The following HMGCLL1 variants were observed in gnomAD, a reference collection of about 807,000 sequenced individuals.
The protein encoded by HMGCLL1 is 3-hydroxy-3-methylglutaryl-CoA lyase like 1, also known as 3-hydroxymethyl-3-methylglutaryl-CoA lyase, cytoplasmic.
HMGCLL1 carries 36 observed loss-of-function variants against 39.1 expected under a neutral mutation model. That is an observed-to-expected ratio of 0.92 (90% CI 0.71 to 1.22). The LOEUF (loss-of-function observed/expected upper bound fraction) is 1.22, where lower values mean the gene tolerates loss of function less well. Ranked by LOEUF, HMGCLL1 falls within the 50% of genes most tolerant of loss-of-function variation. HMGCLL1 has a pLI of 0.00. For missense variants in HMGCLL1, 451 were observed against 416.5 expected, an observed-to-expected ratio of 1.08 and a Z score of -0.72; for synonymous variants, 149 against 144.0, an observed-to-expected ratio of 1.03 and a Z score of -0.25.
intron 5 of HMGCLL1, among the ~76,000 whole-genome samples, chr6:55,499,882 T>A (rs12214248): frequency 0.68 from 103,702 of 151,534 alleles, 35,483 homozygotes; most frequent in Non-Finnish European, 0.7. Flanking sequence ...GGCTTAGAAT[T>A]AAGATATTCT....
At chr6:55,503,745 C>A (rs980082896) in intron 5 of HMGCLL1, among the ~76,000 whole-genome samples, 7 of 151,558 alleles carry the variant, frequency 4.6e-5, no homozygotes, top group African/African-American at 1.2e-4. Context: ...CCTGCATTTG[C>A]CATTTAAAAA....
the HMGCLL1 span, among the ~76,000 whole-genome samples, chr6:55,641,175 A>G: frequency 7.9e-5 from 12 of 151,978 alleles, no homozygotes; most frequent in Non-Finnish European, 1.5e-4. Flanking sequence ...CTATGTATTT[A>G]TAATTGTATA....
At chr6:55,463,224 G>T (rs1764657895) in intron 7 of HMGCLL1, among the ~76,000 whole-genome samples, 1 of 151,684 alleles carries the variant, frequency 6.6e-6, no homozygotes, top group African/African-American at 2.4e-5. Flanking sequence ...TAGAGACGGG[G>T]TTTCACTATG....
chr6:55,528,008 G>A (rs960696619), intron 3 of HMGCLL1, among the ~76,000 whole-genome samples: 1 of 151,966 alleles, frequency 6.6e-6, no homozygotes, highest in African/African-American at 2.4e-5. Flanking sequence ...TTAAACTCAT[G>A]GACCTATAAG....
chr6:55,513,127 A>G (rs1561928090), intron 5 of HMGCLL1: 1 of 151,676 alleles, frequency 6.6e-6, no homozygotes, highest in Non-Finnish European at 1.5e-5. Context: ...GCTTTCTACT[A>G]CTCTGTCCTG....
chr6:55,610,501 A>G, the HMGCLL1 span, among the ~76,000 whole-genome samples: 1 of 152,086 alleles, frequency 6.6e-6, no homozygotes, highest in South Asian at 2.1e-4. Context: ...AATGAAAAGG[A>G]ATGAACAAAG....
At chr6:55,441,966 T>C (rs1490098681) in intron 7 of HMGCLL1, among the ~76,000 whole-genome samples, 2 of 152,086 alleles carry the variant, frequency 1.3e-5, no homozygotes, top group Non-Finnish European at 2.9e-5. Context: ...GCTCGTCATG[T>C]ATTTTGTACA....
In HMGCLL1 at chr6:55,514,117, A is replaced by G. The variant is rs765998435; in HGVS notation, c.473T>C (p.Ile158Thr). The change falls in exon 5 of 9, where the codon ATT (isoleucine) becomes ACT (threonine). Residue 158 changes from isoleucine (I) to threonine (T), a missense_variant. Physicochemically the swap from Ile to Thr is moderately conservative, Grantham distance 89. Coordinates refer to ENST00000274901, the MANE Select transcript of HMGCLL1 (RefSeq NM_001042406.2). ...SFSKKNINCS[I>T]EESMGKFEEV... is the part of the protein sequence containing the mutation. ...CTCAAATTTTCCCATACTTTCTTCA[A>G]TGGAACAGTTAATATTCTTCTTGCT... 1.7e-5 allele frequency: 27 copies of G among 1,612,900 alleles called. No homozygotes were observed. Among genetic ancestry groups the G allele is most frequent in the African/African-American group, 2.7e-5 (2 of 74,892 alleles).
At chr6:55,495,667 G>C (rs915443345) in intron 6 of HMGCLL1, 60 bp from the exon 7 acceptor site, 18 of 1,257,336 alleles carry the variant, frequency 1.4e-5, no homozygotes, top group East Asian at 2.5e-5. Context: ...AAACCCTCTT[G>C]TGCCACAACT....
At chr6:55,648,133 T>G in the HMGCLL1 span, among the ~76,000 whole-genome samples, 1 of 132,534 alleles carries the variant, frequency 7.5e-6, no homozygotes. Flanking sequence ...TATTCCATGG[T>G]GTATATGGGC....
intron 6 of HMGCLL1, 124 bp downstream of exon 6, chr6:55,499,112 C>CA (rs1766735339): frequency 1.6e-6 from 1 of 635,732 alleles, no homozygotes; most frequent in African/African-American, 1.9e-5. Flanking sequence ...AATATGTCTT[C>CA]AGGGTTCGCC....
the HMGCLL1 span, among the ~76,000 whole-genome samples, chr6:55,632,593 AT>A: frequency 6.6e-6 from 1 of 151,964 alleles, no homozygotes; most frequent in Non-Finnish European, 1.5e-5. Context: ...GATTTTTATA[AT>A]ACAACTTACA....
intron 7 of HMGCLL1, among the ~76,000 whole-genome samples, chr6:55,452,324 C>T (rs902766512): frequency 6.6e-6 from 1 of 152,124 alleles, no homozygotes; most frequent in Non-Finnish European, 1.5e-5. Flanking sequence ...AGACTTAGAA[C>T]AGACAAAGAC....
intron 3 of HMGCLL1, among the ~76,000 whole-genome samples, chr6:55,527,620 A>G (rs1768392096): frequency 6.6e-6 from 1 of 152,048 alleles, no homozygotes; most frequent in Admixed American, 6.6e-5. Flanking sequence ...TAAAACTTAT[A>G]ACAGATGATG....
At chr6:55,447,579 A>T (rs1308836260) in intron 7 of HMGCLL1, among the ~76,000 whole-genome samples, 1 of 152,006 alleles carries the variant, frequency 6.6e-6, no homozygotes, top group Non-Finnish European at 1.5e-5. Flanking sequence ...TGTACACTGA[A>T]GGAAGTAAGG....
At chr6:55,604,403 G>A in the HMGCLL1 span, among the ~76,000 whole-genome samples, 1 of 152,016 alleles carries the variant, frequency 6.6e-6, no homozygotes, top group African/African-American at 2.4e-5. Context: ...TCTTAATATT[G>A]AATTTATATT....
chr6:55,497,471 T>C (rs920032853), intron 6 of HMGCLL1, among the ~76,000 whole-genome samples: 1 of 152,200 alleles, frequency 6.6e-6, no homozygotes, highest in Non-Finnish European at 1.5e-5. Flanking sequence ...ACCTATTTTA[T>C]GGCAGGTGCT....
intron 1 of HMGCLL1, among the ~76,000 whole-genome samples, chr6:55,555,829 C>T (rs144062591): frequency 2.6e-5 from 4 of 152,114 alleles, no homozygotes; most frequent in Admixed American, 2.0e-4. Flanking sequence ...GAGGAAATTT[C>T]GACAAAAGGA....
chr6:55,549,298 T>C (rs1770177708), intron 1 of HMGCLL1, among the ~76,000 whole-genome samples: 1 of 151,736 alleles, frequency 6.6e-6, no homozygotes, highest in South Asian at 2.1e-4. Flanking sequence ...GATCTCACAC[T>C]CTCCCACCTT....
Sources: gnomAD v4.1 joint callset for allele counts (sites outside exome capture counted in the v4.1 genomes callset) on GRCh38, gnomAD v4.1.1 for gene constraint, MANE v1.5 for transcripts, NCBI Gene and HGNC (gene_info 2026-07-23, HGNC 2026-07-21) for gene names.